Variants in LCOR observed in about 807,000 individuals in gnomAD.
LCOR encodes the protein ligand-dependent corepressor.
A neutral mutation model predicts 64.4 loss-of-function variants in LCOR; 14 were observed. The ratio of observed to expected loss-of-function variants is 0.22; its 90% CI spans 0.14 to 0.34. The LOEUF (loss-of-function observed/expected upper bound fraction) is 0.34, where lower values mean the gene tolerates loss of function less well. Ranked by LOEUF, LCOR falls within the 10% of genes least tolerant of loss-of-function variation. The probability of loss-of-function intolerance (pLI) is 1.00; values close to 1 mark genes in which losing one functional copy is unlikely to be tolerated. For missense variants in LCOR, 1,686 were observed against 1,765.3 expected (o/e 0.96, Z 0.80); for synonymous variants, 643 against 642.5 (o/e 1.00, Z -0.01).
At position 96,944,144 on chromosome 10, in the gene LCOR, C is replaced by G. The variant is rs954459141; in HGVS notation, c.-152C>G. Reference sequence around the variant, plus strand: ...TTAGTCGGTCTGGATGAACCAGCTTCGGGAGCTGGGCAAGAAGCTCTGCTT... The same window carrying G: ...TTAGTCGGTCTGGATGAACCAGCTTGGGGAGCTGGGCAAGAAGCTCTGCTT... On this transcript the variant is annotated 5_prime_UTR_variant, in exon 5 of 8. Coordinates refer to ENST00000421806, the MANE Select transcript of LCOR (RefSeq NM_001346516.2). 1 of 985,634 alleles carries G rather than the reference C, an allele frequency of 1.0e-6. No homozygotes were observed. The allele number at this position is 985,634 out of a possible 1,614,324, so 61.1% of individuals were successfully genotyped here.
In LCOR at chr10:96,982,186, G is replaced by A. The variant is rs139759944; in HGVS notation, c.1726G>A (p.Glu576Lys). ...ACCTAGCAAGGAAATCACCTCTCACGAGGAAGGAGGTGGAGACGTTTCACC... is the reference window on the plus strand; with the variant it reads ...ACCTAGCAAGGAAATCACCTCTCACAAGGAAGGAGGTGGAGACGTTTCACC... Reference protein sequence around the residue: ...EEPSKEITSHEEGGGDVSPRK... With the variant: ...EEPSKEITSHKEGGGDVSPRK... The change falls in exon 8 of 8, where the codon GAG becomes AAG. Residue 576 changes from glutamate to lysine, a missense_variant. By Grantham distance (56) the Glu-to-Lys change is moderately conservative (BLOSUM62 1). Coordinates refer to ENST00000421806, the MANE Select transcript of LCOR (RefSeq NM_001346516.2). 3.3e-5 allele frequency: 54 copies of A among 1,614,168 alleles called. No individual in the cohort carries two copies. The highest frequency in any genetic ancestry group is 1.6e-4 in the Middle Eastern group (1 of 6,062).
chr10:96,925,962 A>G (rs191940881), intron 4 of LCOR, among the ~76,000 whole-genome samples: 121 of 152,204 alleles, frequency 7.9e-4, no homozygotes, highest in African/African-American at 2.9e-3. Flanking sequence ...TTTTCTGTTA[A>G]TGTTTCATAT....
At position 96,982,166 on chromosome 10, in the gene LCOR, G is replaced by C; in HGVS notation, c.1706G>C (p.Ser569Thr). 1.2e-6 allele frequency: 2 copies of C among 1,614,102 alleles called. No homozygotes were observed. Among genetic ancestry groups the C allele is most frequent in the East Asian group, 4.5e-5 (2 of 44,878 alleles). The change falls in exon 8 of 8, where the codon AGC becomes ACC. Residue 569 changes from serine to threonine, a missense_variant. Around this residue, in one of 3 missense-constraint regions of LCOR, gnomAD observed 1,293 missense variants for 1,410.4 expected, o/e 0.92. Coordinates refer to ENST00000421806, the MANE Select transcript of LCOR (RefSeq NM_001346516.2). ...AGAGAAGACAACCCTGAAGAACCTA[G>C]CAAGGAAATCACCTCTCACGAGGAA... ...LPREDNPEEP[S>T]KEITSHEEGG...
At chr10:96,857,065 GATATTACT>G (rs1404877678) in intron 2 of LCOR, among the ~76,000 whole-genome samples, 7 of 150,162 alleles carry the variant, frequency 4.7e-5, no homozygotes, top group Non-Finnish European at 1.0e-4. Flanking sequence ...TGAATACTAA[GATATTACT>G]ATAGATATAT....
Position 96,984,337 on chromosome 10 carries a change from A to G in LCOR, c.3877A>G (p.Arg1293Gly). 1 of 1,614,138 alleles carries G rather than the reference A, an allele frequency of 6.2e-7. No homozygotes were observed. Among genetic ancestry groups the G allele is most frequent in the Non-Finnish European group, 8.5e-7 (1 of 1,180,044 alleles). ...CAGCATAGAGGAAGTCAAGGAAGAT[A>G]GAAACAGTCATCCTCCAGCAAACCT... ...EDSIEEVKED[R>G]NSHPPANLPT... is the part of the protein sequence containing the mutation. The change falls in exon 8 of 8, where the codon AGA becomes GGA. Residue 1293 changes from arginine to glycine, a missense_variant. Coordinates refer to ENST00000421806, the MANE Select transcript of LCOR (RefSeq NM_001346516.2).
At chr10:96,964,764 A>G (rs1847930987) in intron 7 of LCOR, among the ~76,000 whole-genome samples, 1 of 152,206 alleles carries the variant, frequency 6.6e-6, no homozygotes, top group Non-Finnish European at 1.5e-5. Context: ...TGTTTTCATA[A>G]TACCGTCTTC....
intron 2 of LCOR, among the ~76,000 whole-genome samples, chr10:96,887,011 C>T (rs1846354936): frequency 6.6e-6 from 1 of 152,088 alleles, no homozygotes; most frequent in Non-Finnish European, 1.5e-5. Context: ...GAGGTGTGGT[C>T]CCTGGGCCCC....
chr10:96,885,262 A>T (rs111511570), intron 2 of LCOR, among the ~76,000 whole-genome samples: 1 of 152,162 alleles, frequency 6.6e-6, no homozygotes, highest in African/African-American at 2.4e-5. Context: ...TTTGTACCCA[A>T]TGTGTTTTGA....
intron 7 of LCOR, among the ~76,000 whole-genome samples, chr10:96,966,515 A>ACCGCG (rs1395974728): frequency 2.0e-5 from 3 of 152,164 alleles, no homozygotes; most frequent in Admixed American, 2.0e-4. Context: ...GGCGTGAGCC[A>ACCGCG]CCGCGCCCGG....
At position 96,832,350 on chromosome 10, in the gene LCOR, C is replaced by T. The variant is rs189431646; in HGVS notation, c.-453C>T. On this transcript the variant is annotated 5_prime_UTR_variant, in exon 1 of 8. Coordinates refer to ENST00000421806, the MANE Select transcript of LCOR (RefSeq NM_001346516.2). ...AGCAATGCTCCGTTGAGAGACGCGG[C>T]TTTCGGCAAGAACTGGATTCGTGGC... 5.9e-5 allele frequency: 58 copies of T among 985,086 alleles called. 1 individual carries two copies. In the East Asian group the frequency reaches 2.3e-3, roughly 39 times the overall value. The allele number at this position is 985,086 out of a possible 1,614,324, so 61.0% of individuals were successfully genotyped here.
intron 6 of LCOR, among the ~76,000 whole-genome samples, chr10:96,951,416 G>A (rs1160950827): frequency 6.6e-6 from 1 of 151,610 alleles, no homozygotes; most frequent in African/African-American, 2.4e-5. Flanking sequence ...AAAAATTCTT[G>A]CATTCATAAA....
intron 7 of LCOR, among the ~76,000 whole-genome samples, chr10:96,970,680 G>A (rs1470236244): frequency 7.1e-6 from 1 of 140,526 alleles, no homozygotes; most frequent in Non-Finnish European, 1.5e-5. Context: ...TTATTTTAGA[G>A]ACAGAGTCTC....
At chr10:96,980,741 G>C (rs1848076594) in intron 7 of LCOR, 52 bp from the exon 8 acceptor site, 1 of 616,112 alleles carries the variant, frequency 1.6e-6, no homozygotes. Context: ...ATGTAAAAAT[G>C]GTTCTTTGGT....
intron 7 of LCOR, among the ~76,000 whole-genome samples, chr10:96,979,632 T>C (rs887031304): frequency 2.0e-5 from 3 of 152,230 alleles, no homozygotes; most frequent in Admixed American, 1.3e-4. Context: ...TGAATAAAGA[T>C]ACAATACTAC....
rs1848107333 is a variant in LCOR at position 96,982,997 on chromosome 10, A to C, written c.2537A>C (p.Lys846Thr). The C allele has an allele frequency of 6.2e-7, 1 of 1,613,406 alleles. No homozygotes were observed. Among genetic ancestry groups the C allele is most frequent in the Admixed American group, 1.7e-5 (1 of 59,882 alleles). Reference sequence around the variant, plus strand: ...TCTTCCTCAGCTTGTCTTGAAATCAAAGTTCCTAAAAATCCTAGTGCAAAA... The same window carrying C: ...TCTTCCTCAGCTTGTCTTGAAATCACAGTTCCTAAAAATCCTAGTGCAAAA... Reference protein sequence around the residue: ...SDSSSACLEIKVPKNPSAKRS... With the variant: ...SDSSSACLEITVPKNPSAKRS... The change falls in exon 8 of 8, where the codon AAA (lysine) becomes ACA (threonine). Residue 846 changes from lysine to threonine, a missense_variant. Coordinates refer to ENST00000421806, the MANE Select transcript of LCOR (RefSeq NM_001346516.2).
intron 6 of LCOR, among the ~76,000 whole-genome samples, chr10:96,950,134 G>A (rs374295103): frequency 3.9e-5 from 6 of 152,234 alleles, no homozygotes; most frequent in African/African-American, 1.4e-4. Context: ...TATTGTCATA[G>A]AAATCTTGAG....
At chr10:96,950,965 G>A (rs1225227393) in intron 6 of LCOR, among the ~76,000 whole-genome samples, 1 of 152,034 alleles carries the variant, frequency 6.6e-6, no homozygotes, top group East Asian at 1.9e-4. Context: ...TGACTGTAAA[G>A]GACAAAACTC....
At chr10:96,924,136 A>G (rs1378790761) in intron 4 of LCOR, among the ~76,000 whole-genome samples, 1 of 152,216 alleles carries the variant, frequency 6.6e-6, no homozygotes, top group Non-Finnish European at 1.5e-5. Flanking sequence ...GGCTGGGATT[A>G]TGGAGGAGAA....
chr10:96,845,427 G>A (rs1275357462), intron 2 of LCOR, among the ~76,000 whole-genome samples: 2 of 110,152 alleles, frequency 1.8e-5, no homozygotes, highest in Non-Finnish European at 3.7e-5. Context: ...GACAAAGTTT[G>A]CCTCTTATAA....
Sources: gnomAD v4.1 joint callset for allele counts (sites outside exome capture counted in the v4.1 genomes callset) on GRCh38, gnomAD v4.1.1 for gene constraint, gnomAD v4.1.1 regional missense constraint, MANE v1.5 for transcripts, NCBI Gene and HGNC (gene_info 2026-07-23, HGNC 2026-07-21) for gene names.